GABRB2: variants seen among roughly 807,000 people sequenced by gnomAD.
The protein encoded by GABRB2 is gamma-aminobutyric acid receptor subunit beta-2.
A neutral mutation model predicts 54.7 loss-of-function variants in GABRB2; 16 were observed. The observed-to-expected ratio is 0.29, with a 90% CI of 0.20 to 0.44. The LOEUF is 0.44. Ranked by LOEUF, GABRB2 falls within the 20% of genes least tolerant of loss-of-function variation. The pLI, the probability that GABRB2 is intolerant of heterozygous loss-of-function variation, is 1.00. For synonymous variants in GABRB2, 244 were observed against 233.8 expected (o/e 1.04, Z -0.40); for missense variants, 355 against 644.0 (o/e 0.55, Z 4.86).
intron 4 of GABRB2, among the ~76,000 whole-genome samples, chr5:161,447,762 T>G (rs988175195): frequency 1.3e-5 from 2 of 152,200 alleles, no homozygotes; most frequent in Admixed American, 6.5e-5. Context: ...TTACCAAAAG[T>G]CTTTTAACAA....
At chr5:161,388,884 C>A (rs548541708) in intron 5 of GABRB2, among the ~76,000 whole-genome samples, 1 of 151,868 alleles carries the variant, frequency 6.6e-6, no homozygotes, top group East Asian at 1.9e-4. Flanking sequence ...AAATCACATA[C>A]AATATCCATA....
intron 5 of GABRB2, among the ~76,000 whole-genome samples, chr5:161,386,120 G>A (rs891813306): frequency 1.2e-4 from 18 of 152,032 alleles, no homozygotes; most frequent in African/African-American, 4.3e-4. Context: ...AATGGACCCA[G>A]TCATCATTTT....
intron 9 of GABRB2, among the ~76,000 whole-genome samples, chr5:161,304,708 T>G (rs1757630957): frequency 6.6e-6 from 1 of 152,138 alleles, no homozygotes; most frequent in Non-Finnish European, 1.5e-5. Context: ...AAGAATAATA[T>G]TCAGGTTGAG....
chr5:161,384,088 C>T (rs1261428103), intron 5 of GABRB2, among the ~76,000 whole-genome samples: 2 of 152,018 alleles, frequency 1.3e-5, no homozygotes, highest in East Asian at 3.9e-4. Flanking sequence ...TGTGTATATA[C>T]CCACACATAT....
chr5:161,373,887 C>T (rs1156910482), intron 5 of GABRB2, among the ~76,000 whole-genome samples: 1 of 151,954 alleles, frequency 6.6e-6, no homozygotes, highest in Non-Finnish European at 1.5e-5. Flanking sequence ...ATCTCCTTCA[C>T]GTTGTTGTCT....
intron 5 of GABRB2, among the ~76,000 whole-genome samples, chr5:161,408,306 T>C (rs1334657602): frequency 1.3e-5 from 2 of 152,042 alleles, no homozygotes; most frequent in African/African-American, 4.8e-5. Context: ...TCTGAAACAA[T>C]CTGAAATTCA....
Position 161,545,297 on chromosome 5 carries a change from G to A in GABRB2, c.170-3C>T. The A allele has an allele frequency of 1.9e-6, 3 of 1,592,880 alleles. No individual in the cohort carries two copies. Among genetic ancestry groups the A allele is most frequent in the South Asian group, 1.1e-5 (1 of 87,828 alleles). On this transcript the variant is annotated splice_polypyrimidine_tract_variant and splice_region_variant and intron_variant, in intron 2 of 9. Transcript: ENST00000393959. ...CATCCCCACAGCCACGGGGGGACCT[G>A]CAAAGCAAGACGGCCAGCCACGTGA... is the stretch of plus-strand genomic sequence containing the variant.
At chr5:161,467,141 C>T (rs1758303217) in intron 3 of GABRB2, among the ~76,000 whole-genome samples, 1 of 152,074 alleles carries the variant, frequency 6.6e-6, no homozygotes, top group Non-Finnish European at 1.5e-5. Context: ...ATTACCATTA[C>T]TGAACTAAAA....
At chr5:161,545,405 T>A (rs184088143) in intron 2 of GABRB2, 111 bp from the exon 3 acceptor site, 153 of 409,132 alleles carry the variant, frequency 3.7e-4, no homozygotes, top group Non-Finnish European at 5.5e-4. Flanking sequence ...CACTACTCAA[T>A]CTCAAATTTT....
intron 3 of GABRB2, among the ~76,000 whole-genome samples, chr5:161,485,451 T>C (rs770948195): frequency 3.3e-5 from 5 of 151,950 alleles, no homozygotes; most frequent in African/African-American, 4.8e-5. Flanking sequence ...TTTGCTTTCA[T>C]TGAGCTGAGC....
chr5:161,504,840 T>C (rs1310269473), intron 3 of GABRB2, among the ~76,000 whole-genome samples: 1 of 149,406 alleles, frequency 6.7e-6, no homozygotes, highest in Non-Finnish European at 1.5e-5. Flanking sequence ...CATGAACATT[T>C]TAGAAATTAG....
intron 3 of GABRB2, among the ~76,000 whole-genome samples, chr5:161,481,242 G>C (rs1758753866): frequency 6.6e-6 from 1 of 152,032 alleles, no homozygotes; most frequent in Non-Finnish European, 1.5e-5. Flanking sequence ...GGCCACATAA[G>C]TGAAGAAGCC....
chr5:161,408,909 C>A (rs1043338775), intron 5 of GABRB2, among the ~76,000 whole-genome samples: 2 of 151,934 alleles, frequency 1.3e-5, no homozygotes, highest in Non-Finnish European at 2.9e-5. Flanking sequence ...ATTGGAGAAC[C>A]AGTAGTTTAA....
chr5:161,495,279 T>C (rs1759200040), intron 3 of GABRB2, among the ~76,000 whole-genome samples: 1 of 151,978 alleles, frequency 6.6e-6, no homozygotes, highest in African/African-American at 2.4e-5. Context: ...ATTTATAATA[T>C]CTAGTTATTT....
At chr5:161,467,307 T>C (rs1177982872) in intron 3 of GABRB2, among the ~76,000 whole-genome samples, 1 of 152,128 alleles carries the variant, frequency 6.6e-6, no homozygotes, top group Non-Finnish European at 1.5e-5. Context: ...TTACCGCTTG[T>C]TGAAAGAACA....
chr5:161,345,342 A>G, intron 5 of GABRB2, among the ~76,000 whole-genome samples: 1 of 152,068 alleles, frequency 6.6e-6, no homozygotes, highest in East Asian at 1.9e-4. Flanking sequence ...AAAAACATAG[A>G]AAACTCCTTG....
At chr5:161,453,651 G>T (rs751480095) in intron 4 of GABRB2, among the ~76,000 whole-genome samples, 1 of 152,112 alleles carries the variant, frequency 6.6e-6, no homozygotes, top group Non-Finnish European at 1.5e-5. Flanking sequence ...TTATTATAGT[G>T]CCCAAATCAA....
chr5:161,395,351 A>T (rs976910575), intron 5 of GABRB2, among the ~76,000 whole-genome samples: 1 of 152,142 alleles, frequency 6.6e-6, no homozygotes, highest in East Asian at 1.9e-4. Context: ...ATAGTAAATG[A>T]TTAACAAACA....
intron 3 of GABRB2, among the ~76,000 whole-genome samples, chr5:161,511,443 A>G (rs1419102136): frequency 6.6e-6 from 1 of 152,054 alleles, no homozygotes; most frequent in Non-Finnish European, 1.5e-5. Context: ...TAGTTAAGAC[A>G]AAACCAAACA....
Sources: gnomAD v4.1 joint callset for allele counts (sites outside exome capture counted in the v4.1 genomes callset) on GRCh38, gnomAD v4.1.1 for gene constraint, MANE v1.5 for transcripts, NCBI Gene and HGNC (gene_info 2026-07-23, HGNC 2026-07-21) for gene names.